Variants in CRYL1 observed in about 807,000 individuals in gnomAD.
CRYL1 encodes lambda-crystallin homolog.
A neutral mutation model predicts 36.6 loss-of-function variants in CRYL1; 29 were observed. That is an observed-to-expected ratio of 0.79 (90% CI 0.59 to 1.08). CRYL1 has a LOEUF of 1.08. CRYL1 is among the 50% of genes least tolerant of loss of function. The pLI, the probability that CRYL1 is intolerant of heterozygous loss-of-function variation, is 0.00. For synonymous variants in CRYL1, 152 were observed against 151.5 expected, an observed-to-expected ratio of 1.00 and a Z score of -0.02; for missense variants, 411 against 407.9, an observed-to-expected ratio of 1.01 and a Z score of -0.06.
intron 3 of CRYL1, among the ~76,000 whole-genome samples, chr13:20,460,602 T>C (rs1169600363): frequency 2.9e-4 from 38 of 131,288 alleles, no homozygotes; most frequent in African/African-American, 1.0e-3. Flanking sequence ...CTCGGCTCAC[T>C]GCAAGCTCCG....
intron 1 of CRYL1, among the ~76,000 whole-genome samples, chr13:20,516,409 A>G (rs771004661): frequency 6.6e-6 from 1 of 152,094 alleles, no homozygotes; most frequent in Non-Finnish European, 1.5e-5. Context: ...TAACATTTCA[A>G]TCTCAGTTTC....
At chr13:20,491,528 C>T (rs541071771) in intron 2 of CRYL1, among the ~76,000 whole-genome samples, 15 of 152,302 alleles carry the variant, frequency 9.8e-5, no homozygotes, top group African/African-American at 2.2e-4. Context: ...CAGTGTCTCA[C>T]GCCTGTAATT....
At chr13:20,436,523 A>G (rs1238003904) in intron 4 of CRYL1, among the ~76,000 whole-genome samples, 1 of 152,126 alleles carries the variant, frequency 6.6e-6, no homozygotes, top group East Asian at 1.9e-4. Flanking sequence ...AAACAGCACA[A>G]AAGACACTGG....
intron 3 of CRYL1, among the ~76,000 whole-genome samples, chr13:20,450,997 T>C (rs2137417440): frequency 7.0e-6 from 1 of 142,880 alleles, no homozygotes; most frequent in South Asian, 2.2e-4. Context: ...CACTCATAGA[T>C]GAGAACTGAA....
intron 6 of CRYL1, 67 bp downstream of exon 6, chr13:20,413,215 G>C: frequency 9.0e-7 from 1 of 1,108,688 alleles, no homozygotes; most frequent in Non-Finnish European, 1.3e-6. Context: ...GGCAAAATGT[G>C]ACTGTTTACA....
In CRYL1 at chr13:20,435,842, CACAGGG is replaced by C. The variant is rs2032201415; in HGVS notation, c.439-3552_439-3547del. 6.6e-6 allele frequency among the ~76,000 whole-genome samples: 1 copy of C among 152,142 alleles called. No homozygotes were observed. The highest frequency in any genetic ancestry group is 2.4e-5 in the African/African-American group (1 of 41,446). On this transcript the variant is annotated intron_variant, in intron 4 of 7. Coordinates refer to ENST00000298248, the MANE Select transcript of CRYL1 (RefSeq NM_015974.3). The surrounding 1 kb of genome is among the most constrained non-coding windows in gnomAD (Gnocchi z 4.0). ...CGGGAGCAACCAAAACGGCGAGGCC[CACAGGG>C]CCGACAGCGCCCTCGCGGGAGGCAG...
At chr13:20,405,973 G>A (rs2031364367) in intron 6 of CRYL1, 1 of 152,418 alleles carries the variant, frequency 6.6e-6, no homozygotes, top group Admixed American at 6.5e-5. Context: ...TGCTTAGCAA[G>A]TCAAGTCAGA....
chr13:20,467,148 C>T (rs1176466733), intron 3 of CRYL1, among the ~76,000 whole-genome samples: 1 of 151,572 alleles, frequency 6.6e-6, no homozygotes, highest in Admixed American at 6.6e-5. Flanking sequence ...GGGGTTTCAC[C>T]GTGTTAGCCA....
At chr13:20,524,202 G>A (rs966392287) in intron 1 of CRYL1, among the ~76,000 whole-genome samples, 1 of 152,206 alleles carries the variant, frequency 6.6e-6, no homozygotes, top group African/African-American at 2.4e-5. Flanking sequence ...CAGCCTGGGC[G>A]ACAGAGCGAG....
intron 1 of CRYL1, among the ~76,000 whole-genome samples, chr13:20,513,130 T>A (rs2033943473): frequency 6.6e-6 from 1 of 152,226 alleles, no homozygotes; most frequent in Non-Finnish European, 1.5e-5. Context: ...AAATGTTAAC[T>A]GTTTCCACCC....
rs758328319 is a variant in CRYL1 at position 20,432,162 on chromosome 13, G to A, written c.573C>T (p.Ala191=). Residue 191 remains alanine, a synonymous_variant, in exon 5 of 8, where the codon GCC becomes GCT. Transcript: ENST00000298248. ...QCPMRVQKEV[A]GFVLNRLQYA... is the part of the protein sequence containing the mutation. ...ATTGCAGGCGGTTCAGAACGAAGCC[G>A]GCCACCTCCTTCTGGACTCGCATGG... 5.6e-6 allele frequency: 9 copies of A among 1,614,084 alleles called. No individual in the cohort carries two copies. The highest frequency in any genetic ancestry group is 3.3e-5 in the Admixed American group (2 of 60,014).
intron 3 of CRYL1, among the ~76,000 whole-genome samples, chr13:20,445,389 T>C (rs1593449210): frequency 6.6e-6 from 1 of 152,184 alleles, no homozygotes; most frequent in South Asian, 2.1e-4. Flanking sequence ...CCTCAAGGGC[T>C]ATATCCCTTG....
At chr13:20,460,258 T>C (rs1300347603) in intron 3 of CRYL1, among the ~76,000 whole-genome samples, 1 of 152,150 alleles carries the variant, frequency 6.6e-6, no homozygotes, top group East Asian at 1.9e-4. Flanking sequence ...TATGTATATG[T>C]GTGTGTGTAT....
At chr13:20,412,653 T>C (rs1451451194) in intron 6 of CRYL1, among the ~76,000 whole-genome samples, 1 of 152,224 alleles carries the variant, frequency 6.6e-6, no homozygotes, top group African/African-American at 2.4e-5. Flanking sequence ...GTTTCATTCT[T>C]GGAAGTTTCT....
At chr13:20,457,675 T>C (rs2032719462) in intron 3 of CRYL1, among the ~76,000 whole-genome samples, 2 of 152,162 alleles carry the variant, frequency 1.3e-5, no homozygotes, top group Admixed American at 6.5e-5. Context: ...TTACTAAACA[T>C]ATAAACCTGG....
intron 3 of CRYL1, among the ~76,000 whole-genome samples, chr13:20,480,677 T>C (rs558301489): frequency 6.6e-6 from 1 of 152,356 alleles, no homozygotes; most frequent in South Asian, 2.1e-4. Flanking sequence ...CGTCCATCAC[T>C]GCAGGGCCTG....
intron 3 of CRYL1, among the ~76,000 whole-genome samples, chr13:20,456,240 G>A (rs1160825852): frequency 2.0e-5 from 3 of 152,088 alleles, no homozygotes; most frequent in Admixed American, 1.3e-4. Flanking sequence ...TTGAGAGGCC[G>A]AGGCGGGCGT....
Position 20,435,636 on chromosome 13 carries a change from C to A in CRYL1, c.439-3340G>T, listed in dbSNP as rs2032192716. On this transcript the variant is annotated intron_variant, in intron 4 of 7. Coordinates refer to ENST00000298248, the MANE Select transcript of CRYL1 (RefSeq NM_015974.3). The surrounding 1 kb of genome is among the most constrained non-coding windows in gnomAD (Gnocchi z 4.0). ...CCCAAACCTTCCATGTGGGAGTGTG[C>A]GAGGTGGACTCGGAAACACGCCCCC... Among the ~76,000 whole-genome samples, 1 of 152,192 alleles carries A rather than the reference C, an allele frequency of 6.6e-6. No individual in the cohort carries two copies. Among genetic ancestry groups the A allele is most frequent in the Non-Finnish European group, 1.5e-5 (1 of 68,030 alleles).
intron 2 of CRYL1, among the ~76,000 whole-genome samples, chr13:20,506,541 A>AT (rs375106910): frequency 6.6e-6 from 1 of 152,116 alleles, no homozygotes; most frequent in Non-Finnish European, 1.5e-5. Flanking sequence ...TAAAAAAAAA[A>AT]CAAAAAAACT....
Sources: gnomAD v4.1 joint callset for allele counts (sites outside exome capture counted in the v4.1 genomes callset) on GRCh38, gnomAD v4.1.1 for gene constraint, Gnocchi (gnomAD v3.1) non-coding constraint, MANE v1.5 for transcripts, NCBI Gene and HGNC (gene_info 2026-07-23, HGNC 2026-07-21) for gene names.